The following SLC26A5 variants were observed in gnomAD, a reference collection of about 807,000 sequenced individuals.
SLC26A5 encodes the protein prestin.
SLC26A5 carries 51 observed loss-of-function variants against 81.0 expected under a neutral mutation model. The observed-to-expected ratio is 0.63, with a 90% confidence interval of 0.50 to 0.80. SLC26A5 has a LOEUF of 0.80. Ranked by LOEUF, SLC26A5 falls within the 30% of genes least tolerant of loss-of-function variation. The pLI, the probability that SLC26A5 is intolerant of heterozygous loss-of-function variation, is 0.00. For missense variants in SLC26A5, 771 were observed against 905.8 expected, an observed-to-expected ratio of 0.85 and a Z score of 1.91; for synonymous variants, 325 against 332.8, an observed-to-expected ratio of 0.98 and a Z score of 0.25.
chr7:103,423,100 A>T (rs1020342793), intron 2 of SLC26A5, among the ~76,000 whole-genome samples: 4 of 103,352 alleles, frequency 3.9e-5, no homozygotes, highest in Non-Finnish European at 8.0e-5. Flanking sequence ...TGCCTCTACT[A>T]AAAAAAAAAA....
At chr7:103,431,158 T>C (rs968696083) in intron 2 of SLC26A5, among the ~76,000 whole-genome samples, 1 of 152,190 alleles carries the variant, frequency 6.6e-6, no homozygotes, top group African/African-American at 2.4e-5. Context: ...TAAGCAAAAA[T>C]GAAAGAAGAA....
At chr7:103,395,767 C>A (rs1823061287) in intron 9 of SLC26A5, among the ~76,000 whole-genome samples, 1 of 151,928 alleles carries the variant, frequency 6.6e-6, no homozygotes, top group Non-Finnish European at 1.5e-5. Flanking sequence ...GATCCACCAG[C>A]CTCAGCCTCC....
chr7:103,388,823 G>C, intron 14 of SLC26A5, 185 bp downstream of exon 14: 1 of 578,230 alleles, frequency 1.7e-6, no homozygotes, highest in Admixed American at 2.3e-5. Context: ...AAATTATATG[G>C]AATTTTTAAA....
intron 19 of SLC26A5, chr7:103,362,185 C>T: frequency 1.3e-6 from 2 of 1,555,618 alleles, no homozygotes; most frequent in South Asian, 1.2e-5. Context: ...GACTGAGTTC[C>T]TTGGAATACC....
chr7:103,377,685 G>A lies in SLC26A5; in HGVS notation c.1900C>T (p.Pro634Ser). ...ACAGTGTGGACGTTATCCCCTGGGG[G>A]CATAAATCTTTGCATTTCCTCAGGA... ...TFPEEMQRFM[P>S]PGDNVHTVIL... The change falls in exon 18 of 20, where the codon CCC (proline) becomes TCC (serine). Residue 634 changes from proline to serine, a missense_variant. Coordinates refer to ENST00000306312, the MANE Select transcript of SLC26A5 (RefSeq NM_198999.3). 6.2e-7 allele frequency: 1 copy of A among 1,614,004 alleles called. No individual in the cohort carries two copies.
At chr7:103,420,344 G>A (rs759759473) in intron 4 of SLC26A5, among the ~76,000 whole-genome samples, 9 of 143,406 alleles carry the variant, frequency 6.3e-5, no homozygotes, top group Non-Finnish European at 1.0e-4. Context: ...CTCCCAGGCC[G>A]GAGTGAAGTA....
rs1281515103 is a variant in SLC26A5 at position 103,408,629 on chromosome 7, T to C, written c.736-626A>G. 3.3e-5 allele frequency among the ~76,000 whole-genome samples: 5 copies of C among 152,300 alleles called. No individual in the cohort carries two copies. In the South Asian group the frequency reaches 6.2e-4, roughly 19 times the overall value. ...AACCCTGAAGCTGAGTCCTGAGCAATTGGAAAGAATTAAGGGTTGATAGCA... is the reference window on the plus strand; with the variant it reads ...AACCCTGAAGCTGAGTCCTGAGCAACTGGAAAGAATTAAGGGTTGATAGCA... On this transcript the variant is annotated intron_variant, in intron 7 of 19. Transcript: ENST00000306312.
At chr7:103,384,326 A>G (rs1189402848) in intron 14 of SLC26A5, among the ~76,000 whole-genome samples, 2 of 151,126 alleles carry the variant, frequency 1.3e-5, no homozygotes, top group East Asian at 2.0e-4. Context: ...TAAAATGCTG[A>G]TTGAGGCTGG....
chr7:103,437,930 A>T (rs1157258546), intron 2 of SLC26A5, among the ~76,000 whole-genome samples: 1 of 152,250 alleles, frequency 6.6e-6, no homozygotes, highest in African/African-American at 2.4e-5. Flanking sequence ...GGTTTCCAAC[A>T]TTTAAAAATT....
At chr7:103,354,745 T>C (rs1819936329) in intron 19 of SLC26A5, 3 of 640,598 alleles carry the variant, frequency 4.7e-6, no homozygotes, top group Non-Finnish European at 8.3e-6. Flanking sequence ...AATACCTCTC[T>C]ACTTCACAAG....
intron 8 of SLC26A5, among the ~76,000 whole-genome samples, chr7:103,400,799 C>A (rs1823528921): frequency 6.6e-6 from 1 of 152,202 alleles, no homozygotes; most frequent in Non-Finnish European, 1.5e-5. Context: ...GTTTTCCCAA[C>A]ACCATTTATT....
chr7:103,401,442 T>G (rs904292336), intron 8 of SLC26A5, among the ~76,000 whole-genome samples: 5 of 151,846 alleles, frequency 3.3e-5, no homozygotes, highest in Non-Finnish European at 7.4e-5. Flanking sequence ...AAGTTGCTTA[T>G]CAGCTTAAGG....
At chr7:103,380,340 T>C (rs1821674464) in intron 15 of SLC26A5, 140 bp downstream of exon 15, 3 of 676,004 alleles carry the variant, frequency 4.4e-6, no homozygotes, top group South Asian at 1.7e-5. Flanking sequence ...TGAATCCATA[T>C]AGTAGATCAA....
In SLC26A5 at chr7:103,391,878, G is replaced by A. The variant is rs145530831; in HGVS notation, c.1120-143C>T. 3.5e-3 allele frequency: 2,539 copies of A among 725,874 alleles called. 35 individuals are homozygous for A. Among genetic ancestry groups the A allele is most frequent in the South Asian group, 0.017 (1,150 of 66,648 alleles). The allele number at this position is 725,874 out of a possible 1,614,324, so 45.0% of individuals were successfully genotyped here. ...AGATGTAAGAATTTGTTCAGCATGA[G>A]TTCAAAATAGGAATTATGGCATATT... On this transcript the variant is annotated intron_variant, in intron 10 of 19. Transcript: ENST00000306312.
chr7:103,408,980 A>C (rs776235432), intron 7 of SLC26A5, among the ~76,000 whole-genome samples: 21 of 152,216 alleles, frequency 1.4e-4, no homozygotes, highest in Non-Finnish European at 2.6e-4. Context: ...GTATGATAAT[A>C]GCTATTATGG....
rs377670982 is a variant in SLC26A5 at position 103,364,104 on chromosome 7, A to G, written c.2042-11178T>C. On this transcript the variant is annotated intron_variant, in intron 19 of 19. Coordinates refer to the SLC26A5 transcript ENST00000339444. Reference sequence around the variant, plus strand: ...TTAGAAGTAGTCTGATTTTTGTTATACAGAAGTGGTAAGTGTGAAAATTGT... The same window carrying G: ...TTAGAAGTAGTCTGATTTTTGTTATGCAGAAGTGGTAAGTGTGAAAATTGT... 9 of 1,590,218 alleles carry G rather than the reference A, an allele frequency of 5.7e-6. No homozygotes were observed. The African/African-American group carries it at 1.2e-4, about 21-fold the overall frequency.
chr7:103,374,650 A>G, intron 19 of SLC26A5, 58 bp from the exon 20 acceptor site: 1 of 1,486,238 alleles, frequency 6.7e-7, no homozygotes, highest in South Asian at 1.2e-5. Flanking sequence ...TTCAACAATT[A>G]AAAAAAAGTA....
chr7:103,352,893 C>T (rs763650961), exon 20 of SLC26A5: 43 of 780,802 alleles, frequency 5.5e-5, no homozygotes, highest in African/African-American at 3.6e-4. Context: ...ATTTCCCCTA[C>T]GGTCTCCATC....
intron 12 of SLC26A5, among the ~76,000 whole-genome samples, chr7:103,389,916 A>G (rs4637751): frequency 0.06 from 9,060 of 152,172 alleles, 908 homozygotes; most frequent in African/African-American, 0.21. Flanking sequence ...GTGAGCCACC[A>G]CACCCGGCTG....
Sources: gnomAD v4.1 joint callset for allele counts (sites outside exome capture counted in the v4.1 genomes callset) on GRCh38, gnomAD v4.1.1 for gene constraint, MANE v1.5 for transcripts, NCBI Gene and HGNC (gene_info 2026-07-23, HGNC 2026-07-21) for gene names.